WDR25: variants seen among roughly 807,000 people sequenced by gnomAD.
WDR25 encodes WD repeat-containing protein 25.
A neutral mutation model predicts 47.7 loss-of-function variants in WDR25; 35 were observed. The ratio of observed to expected loss-of-function variants is 0.73; its 90% confidence interval spans 0.56 to 0.97. WDR25 has a LOEUF of 0.97. WDR25 is among the 50% of genes least tolerant of loss of function. The pLI is 0.00. For missense variants in WDR25, 634 were observed against 704.7 expected, an observed-to-expected ratio of 0.90 and a Z score of 1.14; for synonymous variants, 248 against 278.9, an observed-to-expected ratio of 0.89 and a Z score of 1.10.
At chr14:100,514,337 ATC>A (rs1160817403) in intron 4 of WDR25, among the ~76,000 whole-genome samples, 1 of 152,088 alleles carries the variant, frequency 6.6e-6, no homozygotes, top group Admixed American at 6.5e-5. Context: ...CTGTCTAACA[ATC>A]TCTTCTTTCG....
At chr14:100,464,945 C>A (rs1268016588) in intron 2 of WDR25, among the ~76,000 whole-genome samples, 1 of 150,058 alleles carries the variant, frequency 6.7e-6, no homozygotes, top group Admixed American at 6.7e-5. Context: ...AAGTCCCCTA[C>A]TCCATCTCCT....
chr14:100,516,735 T>A (rs1004240378), intron 4 of WDR25, among the ~76,000 whole-genome samples: 6 of 152,318 alleles, frequency 3.9e-5, no homozygotes, highest in Non-Finnish European at 8.8e-5. Flanking sequence ...TCCTTTTACT[T>A]ATAAGCTATG....
intron 2 of WDR25, among the ~76,000 whole-genome samples, chr14:100,463,350 C>T (rs887558402): frequency 6.6e-6 from 1 of 152,238 alleles, no homozygotes; most frequent in Non-Finnish European, 1.5e-5. Flanking sequence ...TCAGCGGACC[C>T]ACCCATCAGC....
chr14:100,450,326 G>T (rs897732607), intron 2 of WDR25, among the ~76,000 whole-genome samples: 8 of 152,148 alleles, frequency 5.3e-5, no homozygotes, highest in Non-Finnish European at 1.2e-4. Flanking sequence ...CTCTGGAGAA[G>T]CCTGCTGACC....
rs146673247 is a variant in WDR25 at position 100,397,308 on chromosome 14, T to G, written c.822+15562T>G. On this transcript the variant is annotated intron_variant, in intron 2 of 6. Coordinates refer to ENST00000402312, the MANE Select transcript of WDR25 (RefSeq NM_001161476.3). ...GGACCTGTCGTTCTGTAACAAAATC[T>G]GTTTCTTTTAAAAGGGCTTACTTCC... 1.5e-3 allele frequency among the ~76,000 whole-genome samples: 236 copies of G among 152,360 alleles called. 1 individual carries two copies. Among genetic ancestry groups the G allele is most frequent in the Non-Finnish European group, 1.0e-3 (71 of 68,034 alleles).
At chr14:100,384,462 C>T (rs935053707) in intron 2 of WDR25, among the ~76,000 whole-genome samples, 32 of 152,224 alleles carry the variant, frequency 2.1e-4, no homozygotes, top group African/African-American at 7.0e-4. Context: ...CCAGAAGTCC[C>T]GGCTGAGGCC....
At chr14:100,426,479 C>T (rs111906548) in intron 2 of WDR25, among the ~76,000 whole-genome samples, 2,381 of 152,330 alleles carry the variant, frequency 0.016, 53 homozygotes, top group African/African-American at 0.051. Context: ...TTCAGGCAGG[C>T]GTGCAGAGCT....
At position 100,424,646 on chromosome 14, in the gene WDR25, G is replaced by C. The variant is rs993633280; in HGVS notation, c.822+42900G>C. 6.6e-6 allele frequency among the ~76,000 whole-genome samples: 1 copy of C among 152,172 alleles called. No homozygotes were observed. Among genetic ancestry groups the C allele is most frequent in the African/African-American group, 2.4e-5 (1 of 41,422 alleles). ...GGAATGTCTTGGGCCTGGGGATGTA[G>C]AGCCCAGGTTCTGGGACCAGCCCTT... is the stretch of plus-strand genomic sequence containing the variant. On this transcript the variant is annotated intron_variant, in intron 2 of 6. Transcript: ENST00000402312. This position sits in a 1 kb window ranked among gnomAD's most constrained non-coding sequence, Gnocchi z 4.2.
chr14:100,487,479 G>C (rs1187649868), intron 4 of WDR25: 2 of 152,178 alleles, frequency 1.3e-5, no homozygotes, highest in East Asian at 3.8e-4. Flanking sequence ...TGGACTCATT[G>C]CAACAGAGAC....
intron 4 of WDR25, among the ~76,000 whole-genome samples, chr14:100,511,588 C>T (rs1487172314): frequency 1.3e-5 from 2 of 151,416 alleles, no homozygotes; most frequent in African/African-American, 4.9e-5. Flanking sequence ...TTCTCCTTCC[C>T]TTCCTTCCTT....
At position 100,498,968 on chromosome 14, in the gene WDR25, A is replaced by G. The variant is rs1302420393; in HGVS notation, c.1101+14844A>G. 6.6e-6 allele frequency among the ~76,000 whole-genome samples: 1 copy of G among 152,162 alleles called. No homozygotes were observed. Among genetic ancestry groups the G allele is most frequent in the Non-Finnish European group, 1.5e-5 (1 of 68,020 alleles). On this transcript the variant is annotated intron_variant, in intron 4 of 6. Coordinates refer to ENST00000402312, the MANE Select transcript of WDR25 (RefSeq NM_001161476.3). The surrounding 1 kb of genome is among the most constrained non-coding windows in gnomAD (Gnocchi z 4.2). Reference sequence around the variant, plus strand: ...GTCCCCCTGTGACTTGGGTGCAAGCAGGGTGTAGGGGTAGAGGCAAAAAAG... The same window carrying G: ...GTCCCCCTGTGACTTGGGTGCAAGCGGGGTGTAGGGGTAGAGGCAAAAAAG...
intron 4 of WDR25, among the ~76,000 whole-genome samples, chr14:100,510,680 G>A (rs543766866): frequency 9.0e-4 from 137 of 151,800 alleles, no homozygotes; most frequent in African/African-American, 3.2e-3. Context: ...AGGTTGCAGT[G>A]AGCCGAGATC....
At chr14:100,401,822 G>A (rs563624835) in intron 2 of WDR25, among the ~76,000 whole-genome samples, 236 of 152,334 alleles carry the variant, frequency 1.5e-3, no homozygotes, top group Non-Finnish European at 1.9e-3. Context: ...TCTTAGTTCT[G>A]CTCATTCTGT....
At chr14:100,501,165 C>T (rs992174540) in intron 4 of WDR25, among the ~76,000 whole-genome samples, 9 of 152,162 alleles carry the variant, frequency 5.9e-5, no homozygotes, top group African/African-American at 1.4e-4. Flanking sequence ...GTGGGCAGGG[C>T]ACTTCACCTG....
At chr14:100,496,167 C>T (rs748119718) in intron 4 of WDR25, among the ~76,000 whole-genome samples, 4 of 152,118 alleles carry the variant, frequency 2.6e-5, no homozygotes, top group African/African-American at 7.2e-5. Context: ...AAAGTGGTCT[C>T]GTTTGATCTC....
Position 100,478,838 on chromosome 14 carries a change from T to C in WDR25, c.971-5156T>C, listed in dbSNP as rs999956818. 3.3e-5 allele frequency among the ~76,000 whole-genome samples: 5 copies of C among 152,216 alleles called. No homozygotes were observed. In the South Asian group the frequency reaches 6.2e-4, roughly 19 times the overall value. ...TTGGCAAGACTGTATCACTGCACTT[T>C]TGAAAAAAACATATGGATAATTCAC... On this transcript the variant is annotated intron_variant, in intron 3 of 6. Transcript: ENST00000402312.
At chr14:100,459,892 GTGTATATATA>G (rs1899326410) in intron 2 of WDR25, among the ~76,000 whole-genome samples, 1 of 35,188 alleles carries the variant, frequency 2.8e-5, no homozygotes, top group Non-Finnish European at 4.6e-5. Flanking sequence ...ATGTGTGTGT[GTGTATATATA>G]TATATATATA....
chr14:100,410,316 G>A (rs1034371003), intron 2 of WDR25, among the ~76,000 whole-genome samples: 2 of 152,128 alleles, frequency 1.3e-5, no homozygotes, highest in African/African-American at 4.8e-5. Context: ...CCAGGGAGAC[G>A]GTGGAGGATA....
intron 4 of WDR25, among the ~76,000 whole-genome samples, chr14:100,495,958 C>G (rs1900716286): frequency 6.6e-6 from 1 of 152,136 alleles, no homozygotes; most frequent in Non-Finnish European, 1.5e-5. Flanking sequence ...CATGGTTCTT[C>G]CTAGAAGTAG....
Sources: allele counts gnomAD v4.1 joint callset (sites outside exome capture counted in the v4.1 genomes callset), GRCh38; gene constraint gnomAD v4.1.1; non-coding constraint Gnocchi (gnomAD v3.1); transcripts MANE v1.5; gene names NCBI Gene and HGNC (gene_info 2026-07-23, HGNC 2026-07-21).